Variants in KY observed in about 807,000 individuals in gnomAD.
KY encodes the protein kyphoscoliosis peptidase.
In KY, 43 loss-of-function variants were observed where a neutral mutation model predicts 76.1. That is an observed-to-expected ratio of 0.57 (90% CI 0.44 to 0.73). The LOEUF is 0.73. Among genes scored for constraint, KY ranks in the 30% least tolerant of loss-of-function variants. KY has a pLI of 0.00. For synonymous variants in KY, 277 were observed against 326.2 expected (o/e 0.85, Z 1.63); for missense variants, 722 against 828.9 (o/e 0.87, Z 1.58).
chr3:134,612,030 A>G (rs1960560174), intron 8 of KY, among the ~76,000 whole-genome samples: 1 of 152,228 alleles, frequency 6.6e-6, no homozygotes. Context: ...GTTTCTTCAC[A>G]TGCATGCAAT....
At position 134,602,036 on chromosome 3, in the gene KY, G is replaced by C. The variant is rs1958990813; in HGVS notation, c.*1543C>G. Among the ~76,000 whole-genome samples the C allele has an allele frequency of 6.6e-6, 1 of 152,174 alleles. No individual in the cohort carries two copies. Among genetic ancestry groups the C allele is most frequent in the Non-Finnish European group, 1.5e-5 (1 of 68,010 alleles). Reference sequence around the variant, plus strand: ...TGTGAGGGTGAGTGCCACGGAGGAAGCTATGAGGGTCCCAGCTGGCCCTGG... The same window carrying C: ...TGTGAGGGTGAGTGCCACGGAGGAACCTATGAGGGTCCCAGCTGGCCCTGG... On this transcript the variant is annotated 3_prime_UTR_variant, in exon 11 of 11. Transcript: ENST00000423778.
rs1205521763 is a variant in KY at position 134,649,233 on chromosome 3, T to C, written c.136+1592A>G. Among the ~76,000 whole-genome samples, 21 of 152,214 alleles carry C rather than the reference T, an allele frequency of 1.4e-4. 1 individual carries two copies. The highest frequency in any genetic ancestry group is 1.4e-3 in the Admixed American group (21 of 15,282). On this transcript the variant is annotated intron_variant, in intron 1 of 10. Coordinates refer to ENST00000423778, the MANE Select transcript of KY (RefSeq NM_178554.6). ...GGGCCCAGCCATTAGGGGTCTTTTTTTCTCTGTCATAGTCACTAGTGTGCA... is the reference window on the plus strand; with the variant it reads ...GGGCCCAGCCATTAGGGGTCTTTTTCTCTCTGTCATAGTCACTAGTGTGCA...
At chr3:134,643,230 T>A (rs1416688715) in intron 3 of KY, 86 bp downstream of exon 3, 1 of 1,324,918 alleles carries the variant, frequency 7.5e-7, no homozygotes, top group Admixed American at 1.9e-5. Context: ...TAGTCTGAGC[T>A]CCACATCCTG....
chr3:134,601,738 G>A lies in KY; in HGVS notation c.*1841C>T, dbSNP rs1266979856. Reference sequence around the variant, plus strand: ...GGAGACACCCCTTTTGCTCGAGGCCGCCGGCCTGTTGGATGATGGGCACCC... The same window carrying A: ...GGAGACACCCCTTTTGCTCGAGGCCACCGGCCTGTTGGATGATGGGCACCC... On this transcript the variant is annotated 3_prime_UTR_variant, in exon 11 of 11. Coordinates refer to ENST00000423778, the MANE Select transcript of KY (RefSeq NM_178554.6). Among the ~76,000 whole-genome samples, 1 of 152,232 alleles carries A rather than the reference G, an allele frequency of 6.6e-6. No individual in the cohort carries two copies. Among genetic ancestry groups the A allele is most frequent in the Non-Finnish European group, 1.5e-5 (1 of 68,042 alleles).
In KY at chr3:134,604,065, A is replaced by G. The variant is rs372961676; in HGVS notation, c.1500T>C (p.Asp500=). 2 of 1,613,932 alleles carry G rather than the reference A, an allele frequency of 1.2e-6. No individual in the cohort carries two copies. Among genetic ancestry groups the G allele is most frequent in the Non-Finnish European group, 1.7e-6 (2 of 1,179,830 alleles). The change falls in exon 11 of 11, where the codon GAT becomes GAC. Residue 500 remains aspartate (D), a synonymous_variant. Coordinates refer to ENST00000423778, the MANE Select transcript of KY (RefSeq NM_178554.6). ...INVLASLHGD[D]GPITEETQRR... The stretch of plus-strand genomic sequence containing the variant: ...GCTGTGTCTCCTCAGTGATGGGGCC[A>G]TCATCCCCGTGGAGGGAAGCCAGGA...
intron 8 of KY, among the ~76,000 whole-genome samples, chr3:134,611,907 A>G (rs1419205243): frequency 6.6e-6 from 1 of 152,242 alleles, no homozygotes; most frequent in Non-Finnish European, 1.5e-5. Context: ...GTAATTTAAA[A>G]TTAGCAAAAT....
At position 134,600,010 on chromosome 3, in the gene KY, A is replaced by T. The variant is rs1958892694; in HGVS notation, c.*3569T>A. On this transcript the variant is annotated 3_prime_UTR_variant, in exon 11 of 11. Coordinates refer to ENST00000423778, the MANE Select transcript of KY (RefSeq NM_178554.6). ...TACTCAACAGCCACCGGCCCACACA[A>T]CTCAATGCACACATTATGAGAAGTA... is the stretch of plus-strand genomic sequence containing the variant. Among the ~76,000 whole-genome samples, 5 of 152,198 alleles carry T rather than the reference A, an allele frequency of 3.3e-5. No individual in the cohort carries two copies. The highest frequency in any genetic ancestry group is 3.3e-4 in the Admixed American group (5 of 15,278).
chr3:134,631,903 G>T (rs1964287883), intron 3 of KY, among the ~76,000 whole-genome samples: 1 of 152,006 alleles, frequency 6.6e-6, no homozygotes, highest in Non-Finnish European at 1.5e-5. Flanking sequence ...CAGAAAGGGT[G>T]AATACATAAG....
intron 3 of KY, among the ~76,000 whole-genome samples, chr3:134,633,945 A>G (rs1355535088): frequency 6.6e-6 from 1 of 152,224 alleles, no homozygotes; most frequent in Non-Finnish European, 1.5e-5. Context: ...CATCGATTGT[A>G]TTTCTGTATA....
chr3:134,626,924 C>T (rs558460757), intron 5 of KY, among the ~76,000 whole-genome samples: 1 of 152,340 alleles, frequency 6.6e-6, no homozygotes, highest in South Asian at 2.1e-4. Context: ...CTATCATTCT[C>T]TCACAAGAGC....
chr3:134,625,772 G>C (rs1244994466), intron 5 of KY, among the ~76,000 whole-genome samples: 1 of 152,238 alleles, frequency 6.6e-6, no homozygotes, highest in Non-Finnish European at 1.5e-5. Context: ...CTGGTAACAG[G>C]GCCCTGAGAA....
rs760547713 is a variant in KY, at chr3:134,647,470, C to T, written c.164G>A (p.Arg55Gln). ...GGFQGVGNGV[R>Q]RWQKLEGNDF... is the part of the protein sequence containing the mutation. The stretch of plus-strand genomic sequence containing the variant: ...ATTTCCTTCTAATTTCTGCCATCTT[C>T]GGACTCCATTTCCAACACCTTGGAA... The change falls in exon 2 of 11, where the codon CGA becomes CAA. Residue 55 changes from arginine to glutamine, a missense_variant. Physicochemically the swap from Arg to Gln is conservative, Grantham distance 43. Coordinates refer to ENST00000423778, the MANE Select transcript of KY (RefSeq NM_178554.6). 32 of 1,612,352 alleles carry T rather than the reference C, an allele frequency of 2.0e-5. No homozygotes were observed. In the East Asian group the frequency reaches 2.9e-4, roughly 15 times the overall value.
chr3:134,624,798 G>A (rs138102418), intron 6 of KY, among the ~76,000 whole-genome samples: 117 of 152,304 alleles, frequency 7.7e-4, no homozygotes, highest in African/African-American at 2.6e-3. Flanking sequence ...CCAATGAAGA[G>A]CTCCAGGGTG....
intron 8 of KY, chr3:134,612,936 T>C (rs1960791841): frequency 2.0e-5 from 3 of 152,406 alleles, no homozygotes; most frequent in African/African-American, 7.2e-5. Flanking sequence ...AAATTTTTAA[T>C]AATGATTATG....
At position 134,650,848 on chromosome 3, in the gene KY, C is replaced by G; in HGVS notation, c.113G>C (p.Ser38Thr). 6.2e-7 allele frequency: 1 copy of G among 1,606,570 alleles called. No individual in the cohort carries two copies. Among genetic ancestry groups the G allele is most frequent in the Non-Finnish European group, 8.5e-7 (1 of 1,175,958 alleles). The change falls in exon 1 of 11, where the codon AGC becomes ACC. Residue 38 changes from serine (S) to threonine (T), a missense_variant. By Grantham distance (58) the Ser-to-Thr change is moderately conservative. Transcript: ENST00000423778. ...ACCTCCTCCGCGCTGCAGCAGCGAG[C>G]TCGGGTTCGCCTGCTGGTCTGAGAG... ...GTLSDQQANP[S>T]SLLQRGGGFQ...
chr3:134,609,192 C>T (rs1372309905), intron 9 of KY, among the ~76,000 whole-genome samples: 1 of 152,180 alleles, frequency 6.6e-6, no homozygotes, highest in Non-Finnish European at 1.5e-5. Flanking sequence ...GGCAGGGAGA[C>T]AGAGTGCTTG....
At chr3:134,607,037 A>G in intron 10 of KY, 1 of 984,636 alleles carries the variant, frequency 1.0e-6, no homozygotes, top group Non-Finnish European at 1.2e-6. Flanking sequence ...TTAGATTTCT[A>G]TAAATTAAGG....
intron 3 of KY, among the ~76,000 whole-genome samples, chr3:134,632,527 C>T (rs775797859): frequency 4.2e-4 from 64 of 151,642 alleles, no homozygotes; most frequent in Non-Finnish European, 8.0e-4. Flanking sequence ...GAAGAAGTCT[C>T]AAGGAAAATT....
chr3:134,610,408 GA>G (rs759583998), intron 8 of KY, 25 bp from the exon 9 acceptor site: 1 of 1,596,012 alleles, frequency 6.3e-7, no homozygotes, highest in South Asian at 1.1e-5. Flanking sequence ...GGGGGTCTGA[GA>G]GGGGGATCCC....
Sources: gnomAD v4.1 joint callset for allele counts (sites outside exome capture counted in the v4.1 genomes callset) on GRCh38, gnomAD v4.1.1 for gene constraint, MANE v1.5 for transcripts, NCBI Gene and HGNC (gene_info 2026-07-23, HGNC 2026-07-21) for gene names.